Variants in CSMD3 observed in about 807,000 individuals in gnomAD.
The protein encoded by CSMD3 is CUB and sushi domain-containing protein 3.
CSMD3 carries 177 observed loss-of-function variants against 435.2 expected under a neutral mutation model. That is an observed-to-expected ratio of 0.41 (90% CI 0.36 to 0.46). The LOEUF (loss-of-function observed/expected upper bound fraction) is 0.46, where lower values mean the gene tolerates loss of function less well. Among genes scored for constraint, CSMD3 ranks in the 20% least tolerant of loss-of-function variants. CSMD3 has a pLI of 0.34. For synonymous variants in CSMD3, 1,656 were observed against 1,520.5 expected (o/e 1.09, Z -2.07); for missense variants, 4,265 against 4,504.6 (o/e 0.95, Z 1.52).
At position 113,399,529 on chromosome 8, in the gene CSMD3, G is replaced by GA. The variant is rs766566259; in HGVS notation, c.178+37147dup. On this transcript the variant is annotated intron_variant, in intron 1 of 70. Transcript: ENST00000297405. ...GAACCTGGAAAACGGTTTGCTAAAT[G>GA]AAAAAAAAAAAGTTACAAAAGATTA... Among the ~76,000 whole-genome samples, 1,173 of 142,428 alleles carry GA rather than the reference G, an allele frequency of 8.2e-3. 10 individuals are homozygous for GA. The highest frequency in any genetic ancestry group is 0.027 in the African/African-American group (1,041 of 39,034). The allele number at this position is 142,428 out of a possible 152,430, so 93.4% of individuals were successfully genotyped here.
chr8:113,412,871 C>T (rs2094565526), intron 1 of CSMD3, among the ~76,000 whole-genome samples: 1 of 151,896 alleles, frequency 6.6e-6, no homozygotes, highest in Admixed American at 6.6e-5. Context: ...GAATCTGAAA[C>T]AAGACCTCCA....
intron 12 of CSMD3, among the ~76,000 whole-genome samples, chr8:112,829,232 C>T (rs2079790781): frequency 6.6e-6 from 1 of 152,046 alleles, no homozygotes; most frequent in Admixed American, 6.6e-5. Context: ...AAATTCACAT[C>T]CTGGAGATGT....
intron 1 of CSMD3, among the ~76,000 whole-genome samples, chr8:113,358,814 C>G (rs55849731): frequency 0.11 from 16,282 of 151,480 alleles, 939 homozygotes; most frequent in Middle Eastern, 0.17. Context: ...AGTCAAAACT[C>G]ATAGAGGCAG....
At chr8:113,293,612 C>T (rs1239289127) in intron 2 of CSMD3, among the ~76,000 whole-genome samples, 1 of 152,054 alleles carries the variant, frequency 6.6e-6, no homozygotes, top group African/African-American at 2.4e-5. Context: ...AAGCCCAATC[C>T]CTCGGTCTCA....
intron 10 of CSMD3, among the ~76,000 whole-genome samples, chr8:112,895,983 C>A (rs183526219): frequency 2.0e-5 from 3 of 151,570 alleles, no homozygotes; most frequent in African/African-American, 4.8e-5. Context: ...ATAATGAAAT[C>A]ATCTTTCAGT....
At chr8:112,774,712 T>G (rs1369937614) in intron 13 of CSMD3, among the ~76,000 whole-genome samples, 29 of 152,022 alleles carry the variant, frequency 1.9e-4, no homozygotes, top group Admixed American at 1.9e-3. Flanking sequence ...TTAAAGGTCT[T>G]CAGATTCTAT....
rs2130930337 is a variant in CSMD3 at position 112,506,689 on chromosome 8, A to G, written c.4895+2T>C. The G allele has an allele frequency of 6.2e-7, 1 of 1,613,446 alleles. No individual in the cohort carries two copies. Among genetic ancestry groups the G allele is most frequent in the Non-Finnish European group, 8.5e-7 (1 of 1,179,424 alleles). On this transcript the variant is annotated splice_donor_variant, in intron 29 of 70. Coordinates refer to ENST00000297405, the MANE Select transcript of CSMD3 (RefSeq NM_198123.2). LOFTEE classifies it high-confidence loss of function. ...CGTGGAAATAAATATATAAGAACTC[A>G]CCTGATGAACGCCAAGGAGATAACA... is the stretch of plus-strand genomic sequence containing the variant.
At chr8:112,547,666 T>C (rs951009205) in intron 27 of CSMD3, among the ~76,000 whole-genome samples, 1 of 152,038 alleles carries the variant, frequency 6.6e-6, no homozygotes, top group African/African-American at 2.4e-5. Context: ...GCTAGAATAG[T>C]AAGAAAATAT....
intron 2 of CSMD3, chr8:113,313,624 T>C (rs2093887323): frequency 6.6e-6 from 1 of 152,232 alleles, no homozygotes; most frequent in Non-Finnish European, 1.5e-5. Flanking sequence ...CTGCTTCTTG[T>C]ACATTAGGAA....
intron 7 of CSMD3, among the ~76,000 whole-genome samples, chr8:112,971,664 T>A (rs2084663364): frequency 6.6e-6 from 1 of 152,142 alleles, no homozygotes; most frequent in Non-Finnish European, 1.5e-5. Flanking sequence ...TCAAAAATAT[T>A]AAGTTCTCAT....
At chr8:112,885,135 C>T (rs2081554067) in intron 10 of CSMD3, among the ~76,000 whole-genome samples, 1 of 151,676 alleles carries the variant, frequency 6.6e-6, no homozygotes, top group African/African-American at 2.4e-5. Flanking sequence ...ATTACCACAT[C>T]TTATTCCTGA....
intron 38 of CSMD3, among the ~76,000 whole-genome samples, chr8:112,359,787 C>T (rs1186968847): frequency 6.6e-6 from 1 of 152,008 alleles, no homozygotes; most frequent in African/African-American, 2.4e-5. Flanking sequence ...TCCCAATGCC[C>T]AGTGCCTTAA....
intron 10 of CSMD3, among the ~76,000 whole-genome samples, chr8:112,862,886 G>T (rs1298405847): frequency 6.6e-6 from 1 of 151,988 alleles, no homozygotes; most frequent in African/African-American, 2.4e-5. Context: ...AGTTCCCCAG[G>T]CTGTCGCCAA....
intron 13 of CSMD3, among the ~76,000 whole-genome samples, chr8:112,793,036 G>A (rs1442525068): frequency 1.3e-5 from 2 of 150,948 alleles, no homozygotes; most frequent in Non-Finnish European, 3.0e-5. Context: ...TCTGAAACAC[G>A]TTAATTTTTC....
intron 38 of CSMD3, among the ~76,000 whole-genome samples, chr8:112,377,536 C>T (rs1196357599): frequency 6.6e-6 from 1 of 152,008 alleles, no homozygotes; most frequent in Admixed American, 6.6e-5. Flanking sequence ...GCCAAAGACA[C>T]CACAAGAAAA....
intron 3 of CSMD3, among the ~76,000 whole-genome samples, chr8:113,261,265 A>G (rs975512381): frequency 2.6e-5 from 4 of 152,154 alleles, no homozygotes; most frequent in African/African-American, 9.6e-5. Context: ...GGTTCCAGGT[A>G]TCATCTCTTA....
rs139018284 is a variant in CSMD3, at chr8:112,704,861, C to G, written c.1973-14811G>C. Among the ~76,000 whole-genome samples the G allele has an allele frequency of 4.6e-3, 698 of 152,186 alleles. 4 individuals carry two copies. Among genetic ancestry groups the G allele is most frequent in the African/African-American group, 0.016 (655 of 41,552 alleles). ...CTCCACAATGTGACTATTTCAAAATCAAGAGCTAATGCTCTAACATAATAG... is the reference window on the plus strand; with the variant it reads ...CTCCACAATGTGACTATTTCAAAATGAAGAGCTAATGCTCTAACATAATAG... On this transcript the variant is annotated intron_variant, in intron 13 of 70. Transcript: ENST00000297405.
chr8:112,517,299 A>G (rs1343422991), intron 27 of CSMD3, 74 bp from the exon 28 acceptor site: 2 of 1,111,336 alleles, frequency 1.8e-6, no homozygotes, highest in East Asian at 5.1e-5. Flanking sequence ...TGTGTTTTAG[A>G]AAATTAATTT....
At chr8:112,679,809 T>G (rs184429389) in intron 16 of CSMD3, among the ~76,000 whole-genome samples, 1 of 152,218 alleles carries the variant, frequency 6.6e-6, no homozygotes, top group East Asian at 1.9e-4. Flanking sequence ...CGACTGAGAT[T>G]TAAAACAAAT....
Sources: gnomAD v4.1 joint callset for allele counts (sites outside exome capture counted in the v4.1 genomes callset) on GRCh38, gnomAD v4.1.1 for gene constraint, MANE v1.5 for transcripts, NCBI Gene and HGNC (gene_info 2026-07-23, HGNC 2026-07-21) for gene names.